MECOM: variants seen among roughly 807,000 people sequenced by gnomAD.
MECOM encodes the protein histone-lysine N-methyltransferase MECOM.
MECOM carries 13 observed loss-of-function variants against 116.3 expected under a neutral mutation model. The observed-to-expected ratio is 0.11, with a 90% CI of 0.07 to 0.18. The LOEUF is 0.18. Ranked by LOEUF, MECOM falls within the 10% of genes least tolerant of loss-of-function variation. The probability of loss-of-function intolerance (pLI) is 1.00; values close to 1 mark genes in which losing one functional copy is unlikely to be tolerated. For missense variants in MECOM, 1,299 were observed against 1,509.0 expected, an observed-to-expected ratio of 0.86 and a Z score of 2.31; for synonymous variants, 528 against 535.2, an observed-to-expected ratio of 0.99 and a Z score of 0.19.
chr3:169,379,958 T>C (rs1732119413), intron 2 of MECOM, among the ~76,000 whole-genome samples: 1 of 152,168 alleles, frequency 6.6e-6, no homozygotes, highest in Non-Finnish European at 1.5e-5. Context: ...ACTGGGGCTA[T>C]GGTTAAGAAT....
chr3:169,087,916 T>C (rs759922784), intron 16 of MECOM, among the ~76,000 whole-genome samples: 5 of 152,236 alleles, frequency 3.3e-5, no homozygotes, highest in Non-Finnish European at 7.3e-5. Flanking sequence ...GTGGCTGCTT[T>C]AACTTCAGTT....
intron 1 of MECOM, among the ~76,000 whole-genome samples, chr3:169,609,457 A>T (rs887065689): frequency 1.3e-5 from 2 of 149,190 alleles, no homozygotes. Context: ...TCAGTTAATC[A>T]TTTTTTTTTT....
intron 1 of MECOM, among the ~76,000 whole-genome samples, chr3:169,524,716 T>G (rs1010129342): frequency 3.9e-5 from 6 of 152,210 alleles, no homozygotes; most frequent in African/African-American, 1.4e-4. Flanking sequence ...GCTCATGGCC[T>G]CTCTTGCTTT....
intron 1 of MECOM, among the ~76,000 whole-genome samples, chr3:169,384,210 A>G (rs992531310): frequency 2.2e-4 from 33 of 152,210 alleles, no homozygotes; most frequent in Non-Finnish European, 4.0e-4. Flanking sequence ...AATCTAACAT[A>G]TAATTTTATT....
intron 1 of MECOM, among the ~76,000 whole-genome samples, chr3:169,642,729 A>G (rs990496014): frequency 4.0e-5 from 6 of 150,078 alleles, no homozygotes; most frequent in Non-Finnish European, 3.0e-5. Context: ...TTCAAAACAA[A>G]GGTTAATTAA....
intron 1 of MECOM, among the ~76,000 whole-genome samples, chr3:169,421,452 T>A (rs1404550289): frequency 6.6e-6 from 1 of 152,150 alleles, no homozygotes; most frequent in African/African-American, 2.4e-5. Flanking sequence ...CCTTTGCCTG[T>A]TGGTCAGTGG....
chr3:169,551,306 A>G (rs1761374297), intron 1 of MECOM, among the ~76,000 whole-genome samples: 1 of 152,098 alleles, frequency 6.6e-6, no homozygotes, highest in Non-Finnish European at 1.5e-5. Flanking sequence ...AGTCTTTCCT[A>G]AATGTCCAGT....
chr3:169,162,306 T>C (rs1391640610), intron 2 of MECOM, among the ~76,000 whole-genome samples: 1 of 152,154 alleles, frequency 6.6e-6, no homozygotes, highest in Non-Finnish European at 1.5e-5. Context: ...AAAAAATTAA[T>C]ATTAAACCAT....
At chr3:169,555,201 C>T (rs998348305) in intron 1 of MECOM, among the ~76,000 whole-genome samples, 7 of 152,206 alleles carry the variant, frequency 4.6e-5, no homozygotes, top group African/African-American at 1.7e-4. Flanking sequence ...TCCTTCCTTC[C>T]TTCATGTCTT....
chr3:169,331,364 A>G (rs1191520280), intron 2 of MECOM, among the ~76,000 whole-genome samples: 2 of 152,124 alleles, frequency 1.3e-5, no homozygotes, highest in Admixed American at 6.6e-5. Flanking sequence ...AACCATACCT[A>G]CCTAATACAG....
chr3:169,378,518 GAA>G lies in MECOM; in HGVS notation c.375+2667_375+2668del, dbSNP rs1217272185. On this transcript the variant is annotated intron_variant, in intron 2 of 16. Coordinates refer to ENST00000651503, the MANE Select transcript of MECOM (RefSeq NM_004991.4). ...GAAAGAAAGAAAGAAAGAAAGAAAA[GAA>G]AGAAAGAAAGAAAGAAAGAAAGAAA... Among the ~76,000 whole-genome samples, 11 of 18,724 alleles carry G rather than the reference GAA, an allele frequency of 5.9e-4. 1 individual carries two copies. The highest frequency in any genetic ancestry group is 7.9e-4 in the African/African-American group (3 of 3,784). 12.3% of individuals were successfully genotyped at this position (18,724 alleles called of 152,430 possible). A position where few individuals can be genotyped will look rare whatever the true frequency, so the allele number is the denominator to read the frequency against.
chr3:169,213,986 T>G (rs1007470771), intron 2 of MECOM, among the ~76,000 whole-genome samples: 3 of 152,152 alleles, frequency 2.0e-5, no homozygotes, highest in Non-Finnish European at 4.4e-5. Context: ...ACATGGATTT[T>G]AGTGTCCTTG....
chr3:169,570,380 A>G (rs903351699), intron 1 of MECOM, among the ~76,000 whole-genome samples: 21 of 152,210 alleles, frequency 1.4e-4, no homozygotes, highest in Admixed American at 2.6e-4. Context: ...CCAGGACCAG[A>G]CGGATTCACA....
chr3:169,373,513 A>C (rs1370112184), intron 2 of MECOM, among the ~76,000 whole-genome samples: 5 of 151,924 alleles, frequency 3.3e-5, no homozygotes, highest in Non-Finnish European at 7.4e-5. Context: ...ACATTTCTCT[A>C]CTCAATTCTG....
intron 1 of MECOM, among the ~76,000 whole-genome samples, chr3:169,484,250 A>G (rs1254243116): frequency 6.6e-6 from 1 of 151,838 alleles, no homozygotes; most frequent in Non-Finnish European, 1.5e-5. Flanking sequence ...TGAAGAACAA[A>G]GGAAGGAGAA....
intron 1 of MECOM, among the ~76,000 whole-genome samples, chr3:169,403,566 T>C (rs1736212750): frequency 6.6e-6 from 1 of 152,234 alleles, no homozygotes; most frequent in South Asian, 2.1e-4. Context: ...ATTTTCATTT[T>C]AAGAAATATA....
chr3:169,623,760 C>T (rs1178655119), intron 1 of MECOM: 6 of 152,004 alleles, frequency 3.9e-5, no homozygotes, highest in African/African-American at 1.2e-4. Flanking sequence ...AACAAAAACA[C>T]CAATTTTTAG....
intron 12 of MECOM, among the ~76,000 whole-genome samples, chr3:169,098,719 G>T (rs1348017155): frequency 6.6e-6 from 1 of 151,626 alleles, no homozygotes; most frequent in Non-Finnish European, 1.5e-5. Context: ...TTGAAGATGG[G>T]GTCTCGCTGT....
intron 1 of MECOM, among the ~76,000 whole-genome samples, chr3:169,515,899 A>G (rs1400027228): frequency 6.6e-6 from 1 of 152,198 alleles, no homozygotes; most frequent in Non-Finnish European, 1.5e-5. Context: ...CATTTTTCAA[A>G]TACCAATTTT....
Sources: gnomAD v4.1 joint callset for allele counts (sites outside exome capture counted in the v4.1 genomes callset) on GRCh38, gnomAD v4.1.1 for gene constraint, MANE v1.5 for transcripts, NCBI Gene and HGNC (gene_info 2026-07-23, HGNC 2026-07-21) for gene names.